The following DBH variants were observed in gnomAD, a reference collection of about 807,000 sequenced individuals.
The protein encoded by DBH is dopamine beta-hydroxylase.
Under a neutral mutation model 64.0 loss-of-function variants are expected in DBH, and 49 were observed. The observed-to-expected ratio is 0.77, with a 90% CI of 0.61 to 0.97. DBH has a LOEUF of 0.97. Ranked by LOEUF, DBH falls within the 50% of genes least tolerant of loss-of-function variation. The probability of loss-of-function intolerance (pLI) is 0.00; values close to 1 mark genes in which losing one functional copy is unlikely to be tolerated. For synonymous variants in DBH, 343 were observed against 347.1 expected (o/e 0.99, Z 0.13); for missense variants, 828 against 826.6 (o/e 1.00, Z -0.02).
At chr9:133,657,663 G>A (rs990151819) in intron 11 of DBH, among the ~76,000 whole-genome samples, 5 of 152,286 alleles carry the variant, frequency 3.3e-5, no homozygotes, top group African/African-American at 1.2e-4. Flanking sequence ...CAGGGGAGGG[G>A]AAGGTAAGAA....
chr9:133,641,592 C>T (rs1439564790), intron 2 of DBH, among the ~76,000 whole-genome samples: 2 of 152,228 alleles, frequency 1.3e-5, no homozygotes, highest in Non-Finnish European at 2.9e-5. Flanking sequence ...ACACCCGATC[C>T]CCGTTTCCAT....
At chr9:133,644,533 G>A (rs1030319908) in intron 5 of DBH, among the ~76,000 whole-genome samples, 2 of 152,250 alleles carry the variant, frequency 1.3e-5, no homozygotes, top group Admixed American at 1.3e-4. Context: ...ACTCCTCACA[G>A]CTTCGCCAGG....
chr9:133,638,932 C>T (rs1411976182), intron 1 of DBH, among the ~76,000 whole-genome samples: 1 of 152,126 alleles, frequency 6.6e-6, no homozygotes, highest in Non-Finnish European at 1.5e-5. Context: ...GGGCCCAGTG[C>T]AAGGGGAGCG....
chr9:133,649,195 C>G (rs1006450662), intron 6 of DBH, among the ~76,000 whole-genome samples: 1 of 152,170 alleles, frequency 6.6e-6, no homozygotes, highest in Non-Finnish European at 1.5e-5. Context: ...TTCCTATGCT[C>G]GGTTTTTCCA....
intron 2 of DBH, 142 bp downstream of exon 2, chr9:133,640,134 G>A: frequency 8.6e-7 from 1 of 1,158,468 alleles, no homozygotes; most frequent in Non-Finnish European, 1.2e-6. Flanking sequence ...GAAAGCCAAG[G>A]AGGATGGCCA....
At chr9:133,641,274 G>T (rs1021208048) in intron 2 of DBH, among the ~76,000 whole-genome samples, 2 of 152,232 alleles carry the variant, frequency 1.3e-5, no homozygotes, top group East Asian at 3.9e-4. Flanking sequence ...GGGGTTCGGG[G>T]TGTGCTGGGG....
intron 2 of DBH, 103 bp downstream of exon 2, chr9:133,640,095 G>C: frequency 6.8e-7 from 1 of 1,467,138 alleles, no homozygotes; most frequent in East Asian, 2.3e-5. Context: ...ATAAGTCTGG[G>C]GCCTGGGCCT....
intron 8 of DBH, among the ~76,000 whole-genome samples, 174 bp from the exon 9 acceptor site, chr9:133,652,766 A>T (rs998187552): frequency 3.3e-5 from 5 of 152,082 alleles, no homozygotes; most frequent in Non-Finnish European, 5.9e-5. Context: ...GCTCGGGAAC[A>T]CTCAGCCTGT....
Position 133,653,014 on chromosome 9 carries a change from C to T in DBH, c.1434+15C>T, listed in dbSNP as rs552932176. On this transcript the variant is annotated intron_variant, in intron 9 of 11. Coordinates refer to ENST00000393056, the MANE Select transcript of DBH (RefSeq NM_000787.4). ...TGGCCACAGTGGTAAGTCACCCCCG[C>T]TTCCCCCTGCACCTGCCCAGGGCGA... is the stretch of plus-strand genomic sequence containing the variant. 3 of 1,603,486 alleles carry T rather than the reference C, an allele frequency of 1.9e-6. No individual in the cohort carries two copies. The highest frequency in any genetic ancestry group is 1.7e-6 in the Non-Finnish European group (2 of 1,170,598).
Position 133,656,592 on chromosome 9 carries a change from C to T in DBH, c.1504C>T (p.Leu502Phe). 1.9e-6 allele frequency: 3 copies of T among 1,613,758 alleles called. No homozygotes were observed. Among genetic ancestry groups the T allele is most frequent in the Non-Finnish European group, 2.5e-6 (3 of 1,180,018 alleles). ...VHYYPQTQLELCKSAVDAGFL... is the reference protein window; with the variant it reads ...VHYYPQTQLEFCKSAVDAGFL... ...CTACTACCCCCAGACGCAGCTGGAG[C>T]TCTGCAAGAGCGCTGTGGACGCCGG... The change falls in exon 10 of 12, where the codon CTC becomes TTC. Residue 502 changes from leucine to phenylalanine, a missense_variant. Coordinates refer to ENST00000393056, the MANE Select transcript of DBH (RefSeq NM_000787.4).
chr9:133,649,665 A>C (rs2131289947), intron 6 of DBH, among the ~76,000 whole-genome samples: 1 of 152,360 alleles, frequency 6.6e-6, no homozygotes, highest in Admixed American at 6.5e-5. Context: ...CTTTTGTCCC[A>C]GACGGGGGTG....
chr9:133,657,345 A>G, intron 11 of DBH, 116 bp downstream of exon 11: 1 of 1,294,606 alleles, frequency 7.7e-7, no homozygotes, highest in Non-Finnish European at 1.1e-6. Context: ...GCACAAGACA[A>G]TGAGAGCAAG....
In DBH at chr9:133,636,389, C is replaced by T; in HGVS notation, c.18C>T (p.Arg6=). Residue 6 remains arginine, a synonymous_variant, in exon 1 of 12, where the codon CGC becomes CGT. Transcript: ENST00000393056. ...CCCCAGCCATGCCCGCCCTCAGTCG[C>T]TGGGCCAGCCTGCCCGGCCCCAGCA... MPALS[R]WASLPGPSMR... 6.2e-7 allele frequency: 1 copy of T among 1,610,432 alleles called. No individual in the cohort carries two copies. The highest frequency in any genetic ancestry group is 8.5e-7 in the Non-Finnish European group (1 of 1,179,970).
At chr9:133,645,473 C>T (rs553257714) in intron 5 of DBH, among the ~76,000 whole-genome samples, 2 of 152,134 alleles carry the variant, frequency 1.3e-5, no homozygotes, top group East Asian at 1.9e-4. Context: ...AATATAAGGA[C>T]GCTCCTGTCA....
At chr9:133,654,812 C>T (rs1832294395) in intron 9 of DBH, 1 of 152,336 alleles carries the variant, frequency 6.6e-6, no homozygotes, top group African/African-American at 2.4e-5. Flanking sequence ...AGGTGCCAAC[C>T]CCGACTGTGC....
rs201038990 is a variant in DBH at position 133,640,023 on chromosome 9, C to T, written c.486+31C>T. The T allele has an allele frequency of 1.8e-4, 292 of 1,612,766 alleles. 2 individuals carry two copies. In the Admixed American group the frequency reaches 2.1e-3, roughly 12 times the overall value. ...GGGTGGCCGCGAGTACCCAGGAGGG[C>T]GTGGGCTGCGTGTATCATGCTGCCA... On this transcript the variant is annotated intron_variant, in intron 2 of 11. Coordinates refer to ENST00000393056, the MANE Select transcript of DBH (RefSeq NM_000787.4).
intron 5 of DBH, among the ~76,000 whole-genome samples, chr9:133,645,340 G>A (rs546001738): frequency 6.6e-6 from 1 of 152,060 alleles, no homozygotes; most frequent in South Asian, 2.1e-4. Flanking sequence ...TTGGGCCTTA[G>A]CATGACACGG....
intron 6 of DBH, among the ~76,000 whole-genome samples, chr9:133,650,983 G>A (rs1013860460): frequency 6.6e-6 from 1 of 152,208 alleles, no homozygotes; most frequent in African/African-American, 2.4e-5. Context: ...CTGTGAGGCC[G>A]GCCTGCAGCC....
chr9:133,658,821 T>G lies in DBH; in HGVS notation c.*374T>G, dbSNP rs1832371658. On this transcript the variant is annotated 3_prime_UTR_variant, in exon 12 of 12. Coordinates refer to ENST00000393056, the MANE Select transcript of DBH (RefSeq NM_000787.4). Reference sequence around the variant, plus strand: ...ACAGGCACCATGCTGGGCCGGGGTGTGGAATCACCGGGAACGCCCCCGCCC... The same window carrying G: ...ACAGGCACCATGCTGGGCCGGGGTGGGGAATCACCGGGAACGCCCCCGCCC... 6.1e-6 allele frequency: 1 copy of G among 165,154 alleles called. No individual in the cohort carries two copies. Among genetic ancestry groups the G allele is most frequent in the African/African-American group, 2.4e-5 (1 of 41,952 alleles). 10.2% of individuals were successfully genotyped at this position (165,154 alleles called of 1,614,324 possible).
Sources: gnomAD v4.1 joint callset for allele counts (sites outside exome capture counted in the v4.1 genomes callset) on GRCh38, gnomAD v4.1.1 for gene constraint, MANE v1.5 for transcripts, NCBI Gene and HGNC (gene_info 2026-07-23, HGNC 2026-07-21) for gene names.